The following MYO3B variants were observed in gnomAD, a reference collection of about 807,000 sequenced individuals.
MYO3B encodes the protein myosin-IIIb.
Under a neutral mutation model 174.6 loss-of-function variants are expected in MYO3B, and 156 were observed. That is an observed-to-expected ratio of 0.89 (90% CI 0.78 to 1.02). The LOEUF is 1.02. Ranked by LOEUF, MYO3B falls within the 50% of genes least tolerant of loss-of-function variation. The pLI is 0.00. For missense variants in MYO3B, 1,632 were observed against 1,639.4 expected, an observed-to-expected ratio of 1.00 and a Z score of 0.08; for synonymous variants, 563 against 569.1, an observed-to-expected ratio of 0.99 and a Z score of 0.15.
At chr2:170,449,956 T>G (rs1683494238) in intron 23 of MYO3B, among the ~76,000 whole-genome samples, 1 of 152,152 alleles carries the variant, frequency 6.6e-6, no homozygotes, top group South Asian at 2.1e-4. Flanking sequence ...ATCAGAGCCC[T>G]ATATCTGATT....
chr2:170,650,552 G>T (rs1414908901), intron 32 of MYO3B, among the ~76,000 whole-genome samples: 1 of 151,938 alleles, frequency 6.6e-6, no homozygotes, highest in African/African-American at 2.4e-5. Flanking sequence ...TATGACAGAG[G>T]TGTGTGTGTC....
At chr2:170,449,935 C>G (rs1481316116) in intron 23 of MYO3B, among the ~76,000 whole-genome samples, 1 of 152,168 alleles carries the variant, frequency 6.6e-6, no homozygotes, top group African/African-American at 2.4e-5. Flanking sequence ...GACCTGCATT[C>G]AAGAGAACCC....
At chr2:170,611,199 C>T (rs1695109331) in intron 32 of MYO3B, among the ~76,000 whole-genome samples, 1 of 152,172 alleles carries the variant, frequency 6.6e-6, no homozygotes, top group African/African-American at 2.4e-5. Flanking sequence ...CCACCTAGAT[C>T]CTTATGAAGC....
At chr2:170,219,074 T>C (rs1195325713) in intron 6 of MYO3B, among the ~76,000 whole-genome samples, 1 of 152,204 alleles carries the variant, frequency 6.6e-6, no homozygotes, top group Admixed American at 6.5e-5. Flanking sequence ...TGTACTATTA[T>C]ATCATCTGGA....
intron 25 of MYO3B, among the ~76,000 whole-genome samples, chr2:170,483,980 C>T (rs936097375): frequency 6.6e-6 from 1 of 152,182 alleles, no homozygotes. Flanking sequence ...GTACAGCATG[C>T]TCTAGTTACT....
At chr2:170,351,777 G>A (rs2094072807) in intron 8 of MYO3B, among the ~76,000 whole-genome samples, 1 of 152,140 alleles carries the variant, frequency 6.6e-6, no homozygotes, top group South Asian at 2.1e-4. Context: ...AAATTCGTTT[G>A]AAATGAAACT....
chr2:170,617,703 G>A (rs947574700), intron 32 of MYO3B, among the ~76,000 whole-genome samples: 5 of 152,148 alleles, frequency 3.3e-5, no homozygotes, highest in Admixed American at 6.5e-5. Context: ...TTAAATCTAC[G>A]ATATAATAGG....
intron 14 of MYO3B, among the ~76,000 whole-genome samples, chr2:170,391,116 A>T (rs1342477207): frequency 1.3e-5 from 2 of 152,084 alleles, no homozygotes; most frequent in African/African-American, 2.4e-5. Flanking sequence ...CTGCTGTGAG[A>T]CTTGCAGGCC....
At chr2:170,222,547 C>T (rs2092912379) in intron 6 of MYO3B, among the ~76,000 whole-genome samples, 4 of 152,050 alleles carry the variant, frequency 2.6e-5, no homozygotes, top group Non-Finnish European at 5.9e-5. Flanking sequence ...TTGCAAGCTG[C>T]GTAACTCCAG....
At chr2:170,214,299 C>A in intron 3 of MYO3B, 80 bp from the exon 4 acceptor site, 1 of 1,138,004 alleles carries the variant, frequency 8.8e-7, no homozygotes, top group Non-Finnish European at 1.3e-6. Context: ...CAGTATCAGT[C>A]GGCTTTTCTT....
chr2:170,519,453 T>C lies in MYO3B; in HGVS notation c.3488T>C (p.Val1163Ala), dbSNP rs187423481. The part of the protein sequence containing the change: ...PGDHKVLRGS[V>A]HRRSHSQAES... ...TTTCTCTCAGTTCTCAGGGGCTCTG[T>C]ACATCGTAGGAGCCATTCACAAGCA... Residue 1163 changes from valine (V) to alanine (A), a missense_variant, in exon 30 of 35, where the codon GTA (valine) becomes GCA (alanine). By Grantham distance (64) the Val-to-Ala change is moderately conservative (BLOSUM62 0). Transcript: ENST00000408978. 3.8e-5 allele frequency: 61 copies of C among 1,613,614 alleles called. 1 individual carries two copies. The highest frequency in any genetic ancestry group is 3.5e-4 in the South Asian group (32 of 91,058).
At chr2:170,291,210 T>C (rs2093593583) in intron 7 of MYO3B, among the ~76,000 whole-genome samples, 1 of 151,962 alleles carries the variant, frequency 6.6e-6, no homozygotes, top group South Asian at 2.1e-4. Context: ...GATCACACCA[T>C]TGCACTCCAG....
At chr2:170,430,598 T>C (rs919241181) in intron 22 of MYO3B, among the ~76,000 whole-genome samples, 1 of 152,074 alleles carries the variant, frequency 6.6e-6, no homozygotes, top group African/African-American at 2.4e-5. Context: ...TCTTGAACTC[T>C]TAACCTCATG....
intron 7 of MYO3B, among the ~76,000 whole-genome samples, chr2:170,241,193 C>T (rs2093128739): frequency 1.3e-5 from 2 of 151,698 alleles, no homozygotes; most frequent in African/African-American, 2.4e-5. Context: ...CTGTTTCTGG[C>T]ATGCTAAGTT....
At chr2:170,247,033 A>G (rs1291654517) in intron 7 of MYO3B, among the ~76,000 whole-genome samples, 3 of 152,210 alleles carry the variant, frequency 2.0e-5, no homozygotes, top group Non-Finnish European at 4.4e-5. Flanking sequence ...AAGTGGGTAC[A>G]TGAGAGATTC....
intron 30 of MYO3B, among the ~76,000 whole-genome samples, 157 bp from the exon 31 acceptor site, chr2:170,542,749 A>C (rs1575140592): frequency 6.6e-6 from 1 of 152,234 alleles, no homozygotes; most frequent in African/African-American, 2.4e-5. Context: ...TCATTTTCTT[A>C]AGGTGACCAT....
At chr2:170,624,277 GAGATCCTTCACATCCCTT>G (rs1696198915) in intron 32 of MYO3B, among the ~76,000 whole-genome samples, 1 of 152,188 alleles carries the variant, frequency 6.6e-6, no homozygotes, top group Admixed American at 6.5e-5. Flanking sequence ...TCTCCTTGAA[GAGATCCTTCACATCCCTT>G]TTAAGTTGCA....
intron 32 of MYO3B, among the ~76,000 whole-genome samples, chr2:170,602,648 G>C (rs1694585774): frequency 6.6e-6 from 1 of 152,010 alleles, no homozygotes; most frequent in Non-Finnish European, 1.5e-5. Flanking sequence ...TGTCCTTTTT[G>C]ATTCTCTTCT....
At position 170,284,233 on chromosome 2, in the gene MYO3B, G is replaced by A. The variant is rs77814702; in HGVS notation, c.749+48097G>A. ...AAATGTCCAAATGAGCACCCTATAT[G>A]CACCAATCCTTGGATAGGGCAGTGA... On this transcript the variant is annotated intron_variant, in intron 7 of 34. Transcript: ENST00000408978. Among the ~76,000 whole-genome samples, 245 of 152,242 alleles carry A rather than the reference G, an allele frequency of 1.6e-3. 7 individuals are homozygous for A. In the East Asian group the frequency reaches 0.045, roughly 28 times the overall value.
Sources: allele counts gnomAD v4.1 joint callset (sites outside exome capture counted in the v4.1 genomes callset), GRCh38; gene constraint gnomAD v4.1.1; transcripts MANE v1.5; gene names NCBI Gene and HGNC (gene_info 2026-07-23, HGNC 2026-07-21).